SAMD4B: variants seen among roughly 807,000 people sequenced by gnomAD.
The protein encoded by SAMD4B is sterile alpha motif domain containing 4B, also known as protein Smaug homolog 2.
In SAMD4B, 5 loss-of-function variants were observed where a neutral mutation model predicts 74.5. The ratio of observed to expected loss-of-function variants is 0.07; its 90% confidence interval spans 0.04 to 0.14. The LOEUF (loss-of-function observed/expected upper bound fraction) is 0.14. SAMD4B is among the 10% of genes least tolerant of loss of function. The probability of loss-of-function intolerance (pLI) is 1.00; values close to 1 mark genes in which losing one functional copy is unlikely to be tolerated. For missense variants in SAMD4B, 608 were observed against 921.8 expected (o/e 0.66, Z 4.41); for synonymous variants, 373 against 374.9 (o/e 1.00, Z 0.06).
chr19:39,388,127 C>T (rs1039570573), downstream of SAMD4B, among the ~76,000 whole-genome samples: 2 of 152,130 alleles, frequency 1.3e-5, no homozygotes, highest in Admixed American at 1.3e-4. Flanking sequence ...GGCAACAGAG[C>T]GAGACTCCAT....
rs781708513 is a variant in SAMD4B, at chr19:39,377,775, C to T, written c.1395C>T (p.Pro465=). 9 of 1,612,440 alleles carry T rather than the reference C, an allele frequency of 5.6e-6. No homozygotes were observed. The highest frequency in any genetic ancestry group is 3.3e-5 in the Admixed American group (2 of 59,874). Residue 465 remains proline, a synonymous_variant, in exon 8 of 14, where the codon CCC becomes CCT. Coordinates refer to ENST00000610417, the MANE Select transcript of SAMD4B (RefSeq NM_001384574.2). ...ATGGCAGTGAGCCTGCCCCGGCTCC[C>T]GTCGCCGACGGAGACATCCCCAGCC... is the stretch of plus-strand genomic sequence containing the variant. The part of the protein sequence containing the change: ...PTDGSEPAPA[P]VADGDIPSQF...
Position 39,385,174 on chromosome 19 carries a change from C to G in SAMD4B, c.*1647C>G, listed in dbSNP as rs1011061360. The G allele has an allele frequency of 2.7e-5, 5 of 184,534 alleles. No individual in the cohort carries two copies. Among genetic ancestry groups the G allele is most frequent in the Non-Finnish European group, 5.6e-5 (5 of 89,958 alleles). The allele number at this position is 184,534 out of a possible 1,614,324, so 11.4% of individuals were successfully genotyped here. The stretch of plus-strand genomic sequence containing the variant: ...ACCTATGCAAGTCCCCCACCCCGGC[C>G]CTCCATGTTTCTGTGCCTTTGCTCA... On this transcript the variant is annotated 3_prime_UTR_variant, in exon 14 of 14. Coordinates refer to ENST00000610417, the MANE Select transcript of SAMD4B (RefSeq NM_001384574.2).
At chr19:39,388,624 C>T, downstream of SAMD4B, 1 of 1,614,172 alleles carries the variant, frequency 6.2e-7, no homozygotes, top group Non-Finnish European at 8.5e-7. Flanking sequence ...AACGTCTCTT[C>T]TACAGGCAGG....
intron 1 of SAMD4B, among the ~76,000 whole-genome samples, chr19:39,343,733 T>C (rs116914602): frequency 0.021 from 3,151 of 151,936 alleles, 49 homozygotes; most frequent in Middle Eastern, 0.037. Context: ...AAAAGCTTCT[T>C]CCAAAATCCC....
intron 1 of SAMD4B, among the ~76,000 whole-genome samples, chr19:39,343,982 A>ACCCCC (rs141556423): frequency 3.8e-5 from 2 of 52,726 alleles, no homozygotes; most frequent in Admixed American, 2.3e-4. Flanking sequence ...GGTTTTCAGG[A>ACCCCC]CCCCCCCCCC....
chr19:39,342,933 C>T (rs2075402998), intron 1 of SAMD4B, among the ~76,000 whole-genome samples: 1 of 151,376 alleles, frequency 6.6e-6, no homozygotes, highest in Non-Finnish European at 1.5e-5. Flanking sequence ...CTGAAAGGTC[C>T]CCGCAAAACC....
intron 3 of SAMD4B, among the ~76,000 whole-genome samples, chr19:39,364,315 A>T (rs1052830622): frequency 6.6e-6 from 1 of 152,182 alleles, no homozygotes; most frequent in African/African-American, 2.4e-5. Flanking sequence ...AACAACAGCG[A>T]TTGAGAATGT....
intron 7 of SAMD4B, 124 bp from the exon 8 acceptor site, chr19:39,377,361 C>T (rs545446147): frequency 8.3e-6 from 6 of 719,960 alleles, no homozygotes; most frequent in Non-Finnish European, 1.4e-5. Flanking sequence ...CATGCCTTCT[C>T]TATGTGCTGG....
chr19:39,347,615 A>G (rs1158208635), intron 1 of SAMD4B, among the ~76,000 whole-genome samples: 1 of 152,158 alleles, frequency 6.6e-6, no homozygotes, highest in Non-Finnish European at 1.5e-5. Flanking sequence ...TGGTGGCCTC[A>G]GGGGAGCAGA....
rs143286904 is a variant in SAMD4B at position 39,370,689 on chromosome 19, C to T, written c.667+564C>T. 4.7e-3 allele frequency among the ~76,000 whole-genome samples: 720 copies of T among 152,342 alleles called. 6 individuals are homozygous for T. The highest frequency in any genetic ancestry group is 0.016 in the African/African-American group (659 of 41,582). ...TATGGATTTTATGTATCTGGCCTCA[C>T]TTTACAGCTTTGTTTCTGAGAACAC... On this transcript the variant is annotated intron_variant, in intron 4 of 13. Transcript: ENST00000610417.
downstream of SAMD4B, chr19:39,386,619 G>A: frequency 6.2e-7 from 1 of 1,608,482 alleles, no homozygotes; most frequent in Non-Finnish European, 8.5e-7. This position sits in a 1 kb window ranked among gnomAD's most constrained non-coding sequence, Gnocchi z 6.1. Context: ...TGTTCTGCTG[G>A]GTTTTTGTCC....
At chr19:39,365,606 C>T (rs12972575) in intron 3 of SAMD4B, among the ~76,000 whole-genome samples, 6,800 of 152,154 alleles carry the variant, frequency 0.045, 170 homozygotes, top group African/African-American at 0.05. Flanking sequence ...TCAGCTGTGT[C>T]GCTTAATGGG....
Position 39,385,468 on chromosome 19 carries a change from C to T in SAMD4B, c.*1941C>T, listed in dbSNP as rs2078223426. On this transcript the variant is annotated 3_prime_UTR_variant, in exon 14 of 14. Transcript: ENST00000610417. ...AGCAGAGTGTGCAGGACGCAGGCGGCCCCACTCTGATGGGCAGGACCCTGA... is the reference window on the plus strand; with the variant it reads ...AGCAGAGTGTGCAGGACGCAGGCGGTCCCACTCTGATGGGCAGGACCCTGA... The T allele has an allele frequency of 4.6e-6, 2 of 439,354 alleles. No individual in the cohort carries two copies. The highest frequency in any genetic ancestry group is 4.0e-6 in the Non-Finnish European group (1 of 249,814). The allele number at this position is 439,354 out of a possible 1,614,324, so 27.2% of individuals were successfully genotyped here.
rs201372153 is a variant in SAMD4B, at chr19:39,370,058, C to T, written c.600C>T (p.His200=). ...ACAAGCCACCCCGGGAAAATGGACA[C>T]GTGCCCTTCCACCCATCCAGCTCAG... ...WQDKPPRENG[H]VPFHPSSSVP... Residue 200 remains histidine, a synonymous_variant, in exon 4 of 14, where the codon CAC becomes CAT. Transcript: ENST00000610417. 283 of 1,611,830 alleles carry T rather than the reference C, an allele frequency of 1.8e-4. 1 individual carries two copies. Among genetic ancestry groups the T allele is most frequent in the South Asian group, 2.4e-4 (22 of 90,652 alleles).
At position 39,378,582 on chromosome 19, in the gene SAMD4B, C is replaced by T. The variant is rs142289523; in HGVS notation, c.1523C>T (p.Thr508Ile). The change falls in exon 9 of 14, where the codon ACT becomes ATT. Residue 508 changes from threonine (T) to isoleucine (I), a missense_variant. This residue lies in a region of SAMD4B where 27 missense variants were observed against 48.6 expected (regional missense o/e 0.56). Coordinates refer to ENST00000610417, the MANE Select transcript of SAMD4B (RefSeq NM_001384574.2). The surrounding 1 kb of genome is among the most constrained non-coding windows in gnomAD (Gnocchi z 4.4). ...CTCCAGCTCATCGAAAAGTGCCTGA[C>T]TCATGAGGTAAGGCCTTCCCTAGCA... ...SYLQLIEKCL[T>I]HEAFTETQKK... is the part of the protein sequence containing the mutation. 9.4e-5 allele frequency: 152 copies of T among 1,613,788 alleles called. No homozygotes were observed. The highest frequency in any genetic ancestry group is 2.2e-5 in the East Asian group (1 of 44,890).
At chr19:39,381,397 G>GTGTTGCTCTT (rs1434554570) in intron 12 of SAMD4B, 3 of 322,232 alleles carry the variant, frequency 9.3e-6, no homozygotes, top group Non-Finnish European at 1.7e-5. Flanking sequence ...CTTAGTGTCT[G>GTGTTGCTCTT]TGTTGCTCTT....
downstream of SAMD4B, chr19:39,389,860 T>G (rs1329756148): frequency 6.6e-7 from 1 of 1,509,978 alleles, no homozygotes; most frequent in African/African-American, 1.4e-5. This position sits in a 1 kb window ranked among gnomAD's most constrained non-coding sequence, Gnocchi z 5.3. Flanking sequence ...GAACTCAGAA[T>G]GAAGTGTCCC....
chr19:39,350,526 C>G (rs900423440), intron 1 of SAMD4B: 2 of 152,294 alleles, frequency 1.3e-5, no homozygotes, highest in Non-Finnish European at 1.5e-5. Context: ...AGTCTCCAGT[C>G]CCCCAGGCTG....
At chr19:39,361,930 GA>G (rs1011546452) in intron 3 of SAMD4B, among the ~76,000 whole-genome samples, 8 of 148,962 alleles carry the variant, frequency 5.4e-5, no homozygotes, top group African/African-American at 9.8e-5. Flanking sequence ...CCGTCTCAAA[GA>G]AAAAAAAAAG....
Sources: allele counts gnomAD v4.1 joint callset (sites outside exome capture counted in the v4.1 genomes callset), GRCh38; gene constraint gnomAD v4.1.1; regional missense constraint gnomAD v4.1.1; non-coding constraint Gnocchi (gnomAD v3.1); transcripts MANE v1.5; gene names NCBI Gene and HGNC (gene_info 2026-07-23, HGNC 2026-07-21).